USP34: variants seen among roughly 807,000 people sequenced by gnomAD.
The protein encoded by USP34 is ubiquitin specific peptidase 34.
USP34 carries 70 observed loss-of-function variants against 460.3 expected under a neutral mutation model. The ratio of observed to expected loss-of-function variants is 0.15; its 90% confidence interval spans 0.13 to 0.19. USP34 has a LOEUF of 0.19. USP34 is among the 10% of genes least tolerant of loss of function. The pLI, the probability that USP34 is intolerant of heterozygous loss-of-function variation, is 1.00. For missense variants in USP34, 3,985 were observed against 4,236.2 expected, an observed-to-expected ratio of 0.94 and a Z score of 1.65; for synonymous variants, 1,647 against 1,405.3, an observed-to-expected ratio of 1.17 and a Z score of -3.85.
rs1686607829 is a variant in USP34, at chr2:61,190,589, T to C, written c.9658A>G (p.Ile3220Val). Residue 3220 changes from isoleucine to valine, a missense_variant, in exon 77 of 80, where the codon ATC (isoleucine) becomes GTC (valine). Ile to Val is a conservative substitution (Grantham distance 29). Around this residue, in one of 14 missense-constraint regions of USP34, gnomAD observed 506 missense variants for 439.0 expected, o/e 1.15. Coordinates refer to ENST00000398571, the MANE Select transcript of USP34 (RefSeq NM_014709.4). The stretch of plus-strand genomic sequence containing the variant: ...AAAAAAGTTCTTTCATCCATTAGGA[T>C]ACATTTAATATATTCTGCGAAAACA... ...DPVFAEYIKC[I>V]LMDERTFLNN... 6.2e-7 allele frequency: 1 copy of C among 1,614,128 alleles called. No homozygotes were observed. Among genetic ancestry groups the C allele is most frequent in the Non-Finnish European group, 8.5e-7 (1 of 1,179,990 alleles).
intron 21 of USP34, among the ~76,000 whole-genome samples, chr2:61,322,270 C>T (rs1361049793): frequency 9.9e-5 from 15 of 151,912 alleles, no homozygotes; most frequent in Non-Finnish European, 2.1e-4. Context: ...AAAAAGGACC[C>T]TTATGATGAA....
chr2:61,188,141 G>A lies in USP34; in HGVS notation c.10602C>T (p.Val3534=). 6.2e-7 allele frequency: 1 copy of A among 1,613,826 alleles called. No individual in the cohort carries two copies. The highest frequency in any genetic ancestry group is 2.2e-5 in the East Asian group (1 of 44,860). The change falls in exon 80 of 80, where the codon GTC becomes GTT. Residue 3534 remains valine, a synonymous_variant. Transcript: ENST00000398571. Reference sequence around the variant, plus strand: ...GGTTTCCTTTGCCAGATATCCTTGTGACGACATGGATTGTAGATTCAATGG... The same window carrying A: ...GGTTTCCTTTGCCAGATATCCTTGTAACGACATGGATTGTAGATTCAATGG... The part of the protein sequence containing the change: ...CRTIESTIHV[V]TRISGKGNQA...
intron 5 of USP34, among the ~76,000 whole-genome samples, chr2:61,387,928 T>TACACACACACACAC (rs36116916): frequency 5.7e-4 from 82 of 142,652 alleles, no homozygotes; most frequent in African/African-American, 1.9e-3. Context: ...AATATATTTA[T>TACACACACACACAC]ACACACACAC....
chr2:61,210,118 G>A (rs1687233969), intron 69 of USP34, among the ~76,000 whole-genome samples: 1 of 150,162 alleles, frequency 6.7e-6, no homozygotes, highest in South Asian at 2.1e-4. Context: ...TGAAGAAAAA[G>A]TATTTTAAAA....
chr2:61,464,664 CCCAAGATCGCA>C (rs1322232706), intron 1 of USP34, among the ~76,000 whole-genome samples: 2 of 143,240 alleles, frequency 1.4e-5, no homozygotes, highest in East Asian at 4.5e-4. Context: ...TTGCAGTGAG[CCCAAGATCGCA>C]CCACTGCACT....
chr2:61,402,927 G>A (rs1693763834), intron 3 of USP34, among the ~76,000 whole-genome samples: 1 of 152,110 alleles, frequency 6.6e-6, no homozygotes, highest in South Asian at 2.1e-4. Flanking sequence ...ATTTGAAACA[G>A]TTGACCCTTA....
intron 18 of USP34, among the ~76,000 whole-genome samples, chr2:61,334,991 C>T (rs1211073223): frequency 6.6e-6 from 1 of 151,952 alleles, no homozygotes; most frequent in East Asian, 1.9e-4. Flanking sequence ...CAAAGACACA[C>T]ATTTTAAGTG....
At chr2:61,387,567 C>T (rs935942536) in intron 5 of USP34, among the ~76,000 whole-genome samples, 4 of 145,008 alleles carry the variant, frequency 2.8e-5, no homozygotes, top group African/African-American at 7.5e-5. Context: ...TTTATATATA[C>T]ACACATATAT....
At position 61,259,790 on chromosome 2, in the gene USP34, GA is replaced by G. The variant is rs529913786; in HGVS notation, c.5779-15del. ...ATCCTCTGAATACTGAAAATCAAGAGAAAACACCATTAAAAACACAGACATG... is the reference window on the plus strand; with the variant it reads ...ATCCTCTGAATACTGAAAATCAAGAGAAACACCATTAAAAACACAGACATG... On this transcript the variant is annotated splice_polypyrimidine_tract_variant and intron_variant, in intron 43 of 79. Transcript: ENST00000398571. 344 of 1,611,128 alleles carry G rather than the reference GA, an allele frequency of 2.1e-4. 4 individuals are homozygous for G. The South Asian group carries it at 3.6e-3, about 17-fold the overall frequency.
intron 18 of USP34, among the ~76,000 whole-genome samples, chr2:61,336,355 G>A (rs1250699095): frequency 2.0e-5 from 3 of 151,832 alleles, no homozygotes; most frequent in African/African-American, 7.3e-5. Context: ...TCAAACTACT[G>A]GGCTCAATAG....
chr2:61,368,431 C>CAA (rs544622497), intron 10 of USP34, among the ~76,000 whole-genome samples: 64 of 133,440 alleles, frequency 4.8e-4, no homozygotes, highest in African/African-American at 1.6e-3. Flanking sequence ...GACTCCATCT[C>CAA]AAAAAAAAAA....
At chr2:61,355,530 T>C (rs1692076428) in intron 10 of USP34, among the ~76,000 whole-genome samples, 1 of 152,172 alleles carries the variant, frequency 6.6e-6, no homozygotes, top group Admixed American at 6.6e-5. Flanking sequence ...ATTAGATTGT[T>C]ATACCTTTAG....
chr2:61,373,429 G>A (rs1158407615), intron 8 of USP34, among the ~76,000 whole-genome samples: 3 of 146,170 alleles, frequency 2.1e-5, no homozygotes, highest in Non-Finnish European at 4.5e-5. Context: ...TTCAAAACAA[G>A]CAGACTGAAA....
intron 58 of USP34, among the ~76,000 whole-genome samples, chr2:61,232,039 C>A (rs896018619): frequency 6.6e-6 from 1 of 151,982 alleles, no homozygotes; most frequent in African/African-American, 2.4e-5. Flanking sequence ...CAAACTGTTT[C>A]GTTTGACAGT....
At chr2:61,239,775 G>T (rs1314200615) in intron 53 of USP34, among the ~76,000 whole-genome samples, 5 of 152,122 alleles carry the variant, frequency 3.3e-5, no homozygotes, top group African/African-American at 1.2e-4. Flanking sequence ...TTGGGAGGCC[G>T]AGATGGGCGG....
intron 1 of USP34, among the ~76,000 whole-genome samples, chr2:61,422,909 A>G (rs1694403540): frequency 6.6e-6 from 1 of 152,164 alleles, no homozygotes; most frequent in Non-Finnish European, 1.5e-5. Flanking sequence ...CTGAGGTGGA[A>G]GGATCACTCG....
chr2:61,312,281 G>A (rs1252258570), intron 25 of USP34, among the ~76,000 whole-genome samples: 2 of 151,068 alleles, frequency 1.3e-5, no homozygotes, highest in Non-Finnish European at 2.9e-5. Flanking sequence ...CCTGCATTCA[G>A]AAGGAAAAAA....
intron 1 of USP34, among the ~76,000 whole-genome samples, chr2:61,428,210 G>T (rs1694566903): frequency 3.9e-5 from 5 of 129,364 alleles, no homozygotes; most frequent in Admixed American, 2.4e-4. Context: ...AGGCAAAAAT[G>T]TTATTTCTGA....
intron 2 of USP34, among the ~76,000 whole-genome samples, chr2:61,407,422 G>C (rs1693908150): frequency 6.6e-6 from 1 of 152,130 alleles, no homozygotes; most frequent in Admixed American, 6.5e-5. Flanking sequence ...CAAGTACCTG[G>C]TTCTAATAAT....
Sources: allele counts gnomAD v4.1 joint callset (sites outside exome capture counted in the v4.1 genomes callset), GRCh38; gene constraint gnomAD v4.1.1; regional missense constraint gnomAD v4.1.1; transcripts MANE v1.5; gene names NCBI Gene and HGNC (gene_info 2026-07-23, HGNC 2026-07-21).